FARS2: variants seen among roughly 807,000 people sequenced by gnomAD.
FARS2 encodes the protein phenylalanyl-tRNA synthetase 2, mitochondrial, also known as phenylalanine--tRNA ligase, mitochondrial.
FARS2 carries 40 observed loss-of-function variants against 46.4 expected under a neutral mutation model. The observed-to-expected ratio is 0.86, with a 90% CI of 0.67 to 1.12. The LOEUF (loss-of-function observed/expected upper bound fraction) is 1.12. FARS2 is among the 50% of genes most tolerant of loss of function. The probability of loss-of-function intolerance (pLI) is 0.00; values close to 1 mark genes in which losing one functional copy is unlikely to be tolerated. For missense variants in FARS2, 513 were observed against 567.9 expected, an observed-to-expected ratio of 0.90 and a Z score of 0.98; for synonymous variants, 234 against 214.9, an observed-to-expected ratio of 1.09 and a Z score of -0.78.
chr6:5,675,443 CTA>C (rs1468634245), intron 6 of FARS2, among the ~76,000 whole-genome samples: 1 of 152,182 alleles, frequency 6.6e-6, no homozygotes, highest in African/African-American at 2.4e-5. Flanking sequence ...ATACACATCT[CTA>C]TGTGTATTTT....
intron 3 of FARS2, among the ~76,000 whole-genome samples, chr6:5,410,303 G>A (rs1264249180): frequency 3.3e-5 from 5 of 151,898 alleles, no homozygotes; most frequent in African/African-American, 7.3e-5. Flanking sequence ...ACAGGCGTGC[G>A]CCACCACACC....
Position 5,545,316 on chromosome 6 carries a change from C to T in FARS2, c.1041C>T (p.Asn347=), listed in dbSNP as rs769518528. The change falls in exon 5 of 7, where the codon AAC becomes AAT. Residue 347 remains asparagine (N), a synonymous_variant. Transcript: ENST00000274680. ...ERFLKQFCVS[N]INQKVKFQPL... ...TCCTGAAGCAGTTCTGTGTATCCAA[C>T]ATTAATCAGAAGGTGAAGTTTCAGG... is the stretch of plus-strand genomic sequence containing the variant. 3.1e-6 allele frequency: 5 copies of T among 1,613,796 alleles called. No homozygotes were observed. Among genetic ancestry groups the T allele is most frequent in the Middle Eastern group, 1.6e-4 (1 of 6,062 alleles).
At position 5,600,121 on chromosome 6, in the gene FARS2, C is replaced by T. The variant is rs532253172; in HGVS notation, c.1066-13048C>T. Among the ~76,000 whole-genome samples the T allele has an allele frequency of 1.3e-3, 197 of 152,260 alleles. 3 individuals are homozygous for T. The South Asian group carries it at 0.023, about 18-fold the overall frequency. ...AAGGATTCAAAAAGACTTGAAAATC[C>T]ATTTCTGTCCTCAAGGAATTCACTA... On this transcript the variant is annotated intron_variant, in intron 5 of 6. Coordinates refer to ENST00000274680, the MANE Select transcript of FARS2 (RefSeq NM_006567.5).
At chr6:5,394,490 G>T (rs900836898) in intron 2 of FARS2, among the ~76,000 whole-genome samples, 1 of 152,126 alleles carries the variant, frequency 6.6e-6, no homozygotes, top group Non-Finnish European at 1.5e-5. Flanking sequence ...ACAAAATTGC[G>T]TAATGAAGCA....
At chr6:5,313,694 A>G (rs1392535260) in intron 1 of FARS2, among the ~76,000 whole-genome samples, 1 of 152,144 alleles carries the variant, frequency 6.6e-6, no homozygotes, top group African/African-American at 2.4e-5. Context: ...AAGAAAGCAT[A>G]AGAAAGTATT....
chr6:5,719,237 G>A (rs1167724216), intron 6 of FARS2, among the ~76,000 whole-genome samples: 3 of 151,862 alleles, frequency 2.0e-5, no homozygotes, highest in East Asian at 3.9e-4. Context: ...TTAAAAATTA[G>A]CTGGGTCTGG....
chr6:5,318,055 G>A (rs1312940910), intron 1 of FARS2, among the ~76,000 whole-genome samples: 3 of 151,940 alleles, frequency 2.0e-5, no homozygotes, highest in African/African-American at 7.3e-5. Flanking sequence ...CTTTGGGTCT[G>A]ATTTTGAGTA....
Position 5,593,756 on chromosome 6 carries a change from C to T in FARS2, c.1066-19413C>T, listed in dbSNP as rs113642040. Among the ~76,000 whole-genome samples, 426 of 152,234 alleles carry T rather than the reference C, an allele frequency of 2.8e-3. 1 individual carries two copies. Among genetic ancestry groups the T allele is most frequent in the African/African-American group, 9.8e-3 (406 of 41,536 alleles). On this transcript the variant is annotated intron_variant, in intron 5 of 6. Transcript: ENST00000274680. Reference sequence around the variant, plus strand: ...TCATTCGATTTTATTCAGGCTCAGGCGAATTTTTTATGGCATTTCGGGGCA... The same window carrying T: ...TCATTCGATTTTATTCAGGCTCAGGTGAATTTTTTATGGCATTTCGGGGCA...
intron 6 of FARS2, among the ~76,000 whole-genome samples, chr6:5,678,593 A>G (rs1321859701): frequency 1.3e-5 from 2 of 152,188 alleles, no homozygotes; most frequent in Non-Finnish European, 2.9e-5. Context: ...CTCAGGGAAG[A>G]GATTCACCTC....
upstream of FARS2, chr6:5,260,625 G>GCC: frequency 1.0e-6 from 1 of 983,698 alleles, no homozygotes; most frequent in Non-Finnish European, 1.5e-6. Flanking sequence ...CCCGCCCCCG[G>GCC]CCCCCGGTGC....
intron 6 of FARS2, among the ~76,000 whole-genome samples, chr6:5,713,310 T>C (rs1220289008): frequency 6.6e-6 from 1 of 152,264 alleles, no homozygotes; most frequent in East Asian, 1.9e-4. Context: ...TACCCAGTTC[T>C]ATTTCAATTT....
chr6:5,706,820 A>G (rs974744773), intron 6 of FARS2, among the ~76,000 whole-genome samples: 2 of 152,190 alleles, frequency 1.3e-5, no homozygotes, highest in Non-Finnish European at 2.9e-5. Flanking sequence ...TGAATGAAAC[A>G]CTCAGAACAG....
intron 1 of FARS2, among the ~76,000 whole-genome samples, chr6:5,264,812 T>G (rs1283896439): frequency 1.3e-5 from 2 of 152,204 alleles, no homozygotes; most frequent in African/African-American, 2.4e-5. Context: ...TAATTTATTT[T>G]ATAGAGACAG....
At chr6:5,713,808 G>A (rs1315068269) in intron 6 of FARS2, among the ~76,000 whole-genome samples, 1 of 152,234 alleles carries the variant, frequency 6.6e-6, no homozygotes. Context: ...CGGCCCAGGT[G>A]TAACACGGCC....
intron 5 of FARS2, chr6:5,609,357 C>G (rs376354457): frequency 5.6e-6 from 7 of 1,239,666 alleles, no homozygotes; most frequent in Non-Finnish European, 8.2e-6. Context: ...AAAGTTTCCT[C>G]CCTTCATGGG....
intron 6 of FARS2, among the ~76,000 whole-genome samples, chr6:5,627,669 T>C (rs1159057594): frequency 6.6e-6 from 1 of 152,258 alleles, no homozygotes; most frequent in Non-Finnish European, 1.5e-5. Context: ...ACTGGGTCTT[T>C]AGCTTTCTAC....
At chr6:5,481,501 G>T (rs934463949) in intron 4 of FARS2, among the ~76,000 whole-genome samples, 3 of 152,162 alleles carry the variant, frequency 2.0e-5, no homozygotes, top group Non-Finnish European at 2.9e-5. Flanking sequence ...ATTGTTCTTA[G>T]ACTTGGGAAG....
chr6:5,392,608 T>C (rs1760588467), intron 2 of FARS2, among the ~76,000 whole-genome samples: 1 of 151,772 alleles, frequency 6.6e-6, no homozygotes, highest in Middle Eastern at 3.2e-3. Flanking sequence ...TCTCAGCTAC[T>C]CAGGAGGCTT....
intron 5 of FARS2, among the ~76,000 whole-genome samples, chr6:5,561,103 C>T (rs1014315239): frequency 1.7e-4 from 26 of 152,112 alleles, no homozygotes; most frequent in African/African-American, 6.3e-4. Flanking sequence ...TGCACGCCAG[C>T]CTGGGCAACA....
Sources: allele counts gnomAD v4.1 joint callset (sites outside exome capture counted in the v4.1 genomes callset), GRCh38; gene constraint gnomAD v4.1.1; transcripts MANE v1.5; gene names NCBI Gene and HGNC (gene_info 2026-07-23, HGNC 2026-07-21).